The following CEP350 variants were observed in gnomAD, a reference collection of about 807,000 sequenced individuals.
CEP350 encodes the protein centrosomal protein 350, also known as centrosome-associated protein 350.
A neutral mutation model predicts 331.8 loss-of-function variants in CEP350; 126 were observed. That is an observed-to-expected ratio of 0.38 (90% CI 0.33 to 0.44). The LOEUF (loss-of-function observed/expected upper bound fraction) is 0.44, where lower values mean the gene tolerates loss of function less well. CEP350 is among the 20% of genes least tolerant of loss of function. The pLI is 1.00. For missense variants in CEP350, 3,406 were observed against 3,634.6 expected, an observed-to-expected ratio of 0.94 and a Z score of 1.62; for synonymous variants, 1,200 against 1,259.5, an observed-to-expected ratio of 0.95 and a Z score of 1.00.
Position 180,077,958 on chromosome 1 carries a change from C to A in CEP350, c.5768-505C>A, listed in dbSNP as rs1659335880. 2.0e-5 allele frequency among the ~76,000 whole-genome samples: 3 copies of A among 151,958 alleles called. No homozygotes were observed. In the South Asian group the frequency reaches 6.2e-4, roughly 32 times the overall value. ...GACCAGCCTGGCCGCCATGGTGAAA[C>A]CCCATCTCTACTAAAAAGACAAAAA... On this transcript the variant is annotated intron_variant, in intron 28 of 37. Coordinates refer to ENST00000367607, the MANE Select transcript of CEP350 (RefSeq NM_014810.5).
At chr1:180,042,695 A>G (rs1036509880) in intron 19 of CEP350, among the ~76,000 whole-genome samples, 2 of 152,258 alleles carry the variant, frequency 1.3e-5, no homozygotes, top group Non-Finnish European at 2.9e-5. Context: ...GGGAAAATGT[A>G]CTTGACCTGT....
intron 30 of CEP350, among the ~76,000 whole-genome samples, chr1:180,082,305 T>C (rs2149090344): frequency 6.6e-6 from 1 of 152,334 alleles, no homozygotes; most frequent in East Asian, 1.9e-4. Flanking sequence ...TTATTTATAT[T>C]CAGTATTTGT....
chr1:179,996,705 G>A lies in CEP350; in HGVS notation c.548G>A (p.Ser183Asn), dbSNP rs1653479538. The A allele has an allele frequency of 2.5e-6, 4 of 1,613,642 alleles. No homozygotes were observed. The highest frequency in any genetic ancestry group is 1.7e-5 in the Admixed American group (1 of 59,982). The change falls in exon 6 of 38, where the codon AGC becomes AAC. Residue 183 changes from serine to asparagine, a missense_variant. By Grantham distance (46) the Ser-to-Asn change is conservative. This residue lies in a region of CEP350 where 1,857 missense variants were observed against 1,909.2 expected (regional missense o/e 0.97). Coordinates refer to ENST00000367607, the MANE Select transcript of CEP350 (RefSeq NM_014810.5). ...AATATACGGAGCTGTGATTTTGAGA[G>A]CTCCCAATCATCTGTCATCAATGAT... is the stretch of plus-strand genomic sequence containing the variant. Reference protein sequence around the residue: ...ERNIRSCDFESSQSSVINDTV... With the variant: ...ERNIRSCDFENSQSSVINDTV...
In CEP350 at chr1:180,080,676, G is replaced by A. The variant is rs1659511287; in HGVS notation, c.6124+15G>A. 6.2e-7 allele frequency: 1 copy of A among 1,610,406 alleles called. No homozygotes were observed. Among genetic ancestry groups the A allele is most frequent in the Admixed American group, 1.7e-5 (1 of 59,972 alleles). Reference sequence around the variant, plus strand: ...GACACAGTCAGGTAAGACTAATCATGAGGAGTTTTTATTTGTGTTGTATTT... The same window carrying A: ...GACACAGTCAGGTAAGACTAATCATAAGGAGTTTTTATTTGTGTTGTATTT... On this transcript the variant is annotated intron_variant, in intron 30 of 37. Coordinates refer to ENST00000367607, the MANE Select transcript of CEP350 (RefSeq NM_014810.5).
intron 21 of CEP350, among the ~76,000 whole-genome samples, chr1:180,045,984 C>T (rs1423746157): frequency 6.6e-6 from 1 of 152,180 alleles, no homozygotes; most frequent in East Asian, 1.9e-4. Flanking sequence ...ATATGATATA[C>T]CTTCTTTCTA....
chr1:180,095,705 A>C lies in CEP350; in HGVS notation c.8694A>C (p.Leu2898=). ...KNKAEETIVP[L]MAEPKRVTQQ... ...AGGCAGAAGAAACCATTGTACCTCT[A>C]ATGGCAGAACCTAAAAGAGTAACCC... Residue 2898 remains leucine, a synonymous_variant, in exon 35 of 38, where the codon CTA becomes CTC. Coordinates refer to ENST00000367607, the MANE Select transcript of CEP350 (RefSeq NM_014810.5). 1 of 1,614,012 alleles carries C rather than the reference A, an allele frequency of 6.2e-7. No individual in the cohort carries two copies. The highest frequency in any genetic ancestry group is 8.5e-7 in the Non-Finnish European group (1 of 1,179,890).
At chr1:180,062,165 CT>C in intron 25 of CEP350, 54 bp from the exon 26 acceptor site, 1 of 1,396,992 alleles carries the variant, frequency 7.2e-7, no homozygotes, top group Non-Finnish European at 9.4e-7. Flanking sequence ...TTAAATATTA[CT>C]TTGGCCTTGT....
intron 19 of CEP350, 67 bp downstream of exon 19, chr1:180,041,869 A>G: frequency 7.0e-7 from 1 of 1,420,038 alleles, no homozygotes; most frequent in South Asian, 1.3e-5. Flanking sequence ...TTTGATCTTC[A>G]GTAATGGGTT....
chr1:180,013,775 C>CTTG, intron 9 of CEP350, 72 bp from the exon 10 acceptor site: 1 of 1,276,644 alleles, frequency 7.8e-7, no homozygotes, highest in East Asian at 2.4e-5. Flanking sequence ...CTCTAATTTT[C>CTTG]TTGTTAATGC....
rs556304977 is a variant in CEP350 at position 180,089,314 on chromosome 1, G to A, written c.6426-1400G>A. 5.3e-5 allele frequency among the ~76,000 whole-genome samples: 8 copies of A among 152,270 alleles called. No homozygotes were observed. In the South Asian group the frequency reaches 1.0e-3, roughly 20 times the overall value. On this transcript the variant is annotated intron_variant, in intron 32 of 37. Transcript: ENST00000367607. ...TAAAAAGTAGACTTGAGCCAGGCAC[G>A]GTGGCTCACGCCTGTAATCCCATCA...
In CEP350 at chr1:180,094,051, C is replaced by G. The variant is rs1354595937; in HGVS notation, c.7946C>G (p.Ala2649Gly). The G allele has an allele frequency of 6.2e-7, 1 of 1,613,626 alleles. No homozygotes were observed. Among genetic ancestry groups the G allele is most frequent in the African/African-American group, 1.3e-5 (1 of 74,912 alleles). The change falls in exon 34 of 38, where the codon GCC becomes GGC. Residue 2649 changes from alanine (A) to glycine (G), a missense_variant. Ala to Gly is a moderately conservative substitution (Grantham distance 60, BLOSUM62 0). This residue lies in a region of CEP350 where 1,415 missense variants were observed against 1,512.3 expected (regional missense o/e 0.94). Transcript: ENST00000367607. ...CAGGACATTTCTGGGGTACTTGAAG[C>G]CCATGTTCACCAGCAGTCTTCAGTG... ...NVQDISGVLE[A>G]HVHQQSSVDS...
chr1:179,955,199 T>C, intron 1 of CEP350, 57 bp downstream of exon 1: 2 of 1,258,926 alleles, frequency 1.6e-6, no homozygotes, highest in Non-Finnish European at 2.0e-6. Context: ...CTCAACTGTC[T>C]CTGTCCGCGG....
At chr1:180,060,423 A>T (rs915356753) in intron 25 of CEP350, among the ~76,000 whole-genome samples, 2 of 152,238 alleles carry the variant, frequency 1.3e-5, no homozygotes, top group Non-Finnish European at 2.9e-5. Context: ...CCAAAGACAG[A>T]TCACTTGAGG....
At chr1:179,971,692 T>G (rs1425442943) in intron 1 of CEP350, among the ~76,000 whole-genome samples, 1 of 152,158 alleles carries the variant, frequency 6.6e-6, no homozygotes, top group Non-Finnish European at 1.5e-5. Context: ...TGGCATTGTT[T>G]GACATTTTTC....
intron 7 of CEP350, among the ~76,000 whole-genome samples, 197 bp from the exon 8 acceptor site, chr1:180,006,257 T>C (rs1490674716): frequency 6.6e-6 from 1 of 152,124 alleles, no homozygotes; most frequent in Non-Finnish European, 1.5e-5. Context: ...GGTGGTAATC[T>C]TCATATATTT....
intron 10 of CEP350, among the ~76,000 whole-genome samples, chr1:180,014,913 T>A (rs1654875666): frequency 6.6e-6 from 1 of 152,232 alleles, no homozygotes; most frequent in African/African-American, 2.4e-5. Flanking sequence ...GGAAGCCTTA[T>A]AACATAATGT....
intron 1 of CEP350, chr1:179,969,385 C>T (rs1024285069): frequency 2.1e-5 from 11 of 514,444 alleles, no homozygotes; most frequent in South Asian, 4.2e-5. Flanking sequence ...GGTCTGAGGG[C>T]GTGCGGGTGC....
At chr1:180,108,515 C>A (rs1027531989) in intron 37 of CEP350, among the ~76,000 whole-genome samples, 2 of 151,584 alleles carry the variant, frequency 1.3e-5, no homozygotes, top group Non-Finnish European at 2.9e-5. Context: ...AAAAGTGGGG[C>A]GGGGTGGGGG....
intron 37 of CEP350, among the ~76,000 whole-genome samples, chr1:180,109,212 G>A (rs1661337809): frequency 6.7e-6 from 1 of 149,368 alleles, no homozygotes. Context: ...TCCGCCTCCC[G>A]GGTTCAAGCG....
Sources: allele counts gnomAD v4.1 joint callset (sites outside exome capture counted in the v4.1 genomes callset), GRCh38; gene constraint gnomAD v4.1.1; regional missense constraint gnomAD v4.1.1; transcripts MANE v1.5; gene names NCBI Gene and HGNC (gene_info 2026-07-23, HGNC 2026-07-21).